PCDHA5: variants seen among roughly 807,000 people sequenced by gnomAD.
PCDHA5 encodes the protein protocadherin alpha-5.
Under a neutral mutation model 61.6 loss-of-function variants are expected in PCDHA5, and 43 were observed. That is an observed-to-expected ratio of 0.70 (90% CI 0.55 to 0.90). PCDHA5 has a LOEUF of 0.90. Among genes scored for constraint, PCDHA5 ranks in the 40% least tolerant of loss-of-function variants. PCDHA5 has a pLI of 0.00. For synonymous variants in PCDHA5, 627 were observed against 543.9 expected, an observed-to-expected ratio of 1.15 and a Z score of -2.13; for missense variants, 1,298 against 1,222.7, an observed-to-expected ratio of 1.06 and a Z score of -0.92.
chr5:140,850,555 C>T (rs1562471328), intron 1 of PCDHA5: 2 of 1,598,250 alleles, frequency 1.3e-6, no homozygotes, highest in South Asian at 1.1e-5. Context: ...GTGGGTGCCA[C>T]GGGCCCCGAG....
intron 1 of PCDHA5, among the ~76,000 whole-genome samples, chr5:140,938,718 G>A (rs1186763511): frequency 5.3e-5 from 8 of 151,986 alleles, no homozygotes; most frequent in Non-Finnish European, 1.0e-4. Flanking sequence ...ATAGAAACGC[G>A]TTTCTACAGA....
chr5:140,883,451 T>A (rs2153394032), intron 1 of PCDHA5: 1 of 1,614,144 alleles, frequency 6.2e-7, no homozygotes, highest in Non-Finnish European at 8.5e-7. Context: ...GCATGTCCCC[T>A]TCAAGCTGGT....
intron 1 of PCDHA5, chr5:140,848,959 A>C (rs1554142632): frequency 1.9e-6 from 3 of 1,606,524 alleles, no homozygotes; most frequent in Admixed American, 3.4e-5. Context: ...TTTCCACTAG[A>C]GGGCGCGTCC....
chr5:140,850,112 C>G, intron 1 of PCDHA5: 1 of 1,596,024 alleles, frequency 6.3e-7, no homozygotes, highest in Non-Finnish European at 8.6e-7. Context: ...GCGCGCGCGA[C>G]GCGGGCGTGC....
At position 140,856,500 on chromosome 5, in the gene PCDHA5, T is replaced by G. The variant is rs371158035; in HGVS notation, c.2352+32373T>G. 1.4e-5 allele frequency: 22 copies of G among 1,598,280 alleles called. 1 individual carries two copies. The African/African-American group carries it at 3.0e-4, about 22-fold the overall frequency. ...GAATCCAGACTGCTTGACTCTCGAT[T>G]TCCACTAGAAGGCGCATCTGATGCG... On this transcript the variant is annotated intron_variant, in intron 1 of 3. Transcript: ENST00000529859.
At chr5:141,002,491 A>G (rs1244268735) in intron 3 of PCDHA5, among the ~76,000 whole-genome samples, 1 of 152,214 alleles carries the variant, frequency 6.6e-6, no homozygotes, top group Non-Finnish European at 1.5e-5. Flanking sequence ...TGACCTTGTT[A>G]TACAGCTCAG....
intron 3 of PCDHA5, among the ~76,000 whole-genome samples, chr5:140,996,316 A>C (rs2153939037): frequency 6.6e-6 from 1 of 152,250 alleles, no homozygotes; most frequent in African/African-American, 2.4e-5. Context: ...GTAAGGGGGG[A>C]GGGTAGAGAA....
At chr5:140,829,749 T>C in intron 1 of PCDHA5, 1 of 1,613,676 alleles carries the variant, frequency 6.2e-7, no homozygotes, top group Non-Finnish European at 8.5e-7. Context: ...ACGCTGCAGG[T>C]GTTCGTGCTG....
chr5:140,838,830 G>T lies in PCDHA5; in HGVS notation c.2352+14703G>T, dbSNP rs2150292809. 1.2e-3 allele frequency among the ~76,000 whole-genome samples: 185 copies of T among 152,000 alleles called. 4 individuals carry two copies. Among genetic ancestry groups the T allele is most frequent in the African/African-American group, 4.4e-3 (182 of 41,426 alleles). ...TCAGCTACTCAAGAAACTGAGGTGG[G>T]AGGATCACTTAAGCCAGGGAGGTCC... On this transcript the variant is annotated intron_variant, in intron 1 of 3. Transcript: ENST00000529859.
At position 140,836,088 on chromosome 5, in the gene PCDHA5, C is replaced by T. The variant is rs2150252378; in HGVS notation, c.2352+11961C>T. On this transcript the variant is annotated intron_variant, in intron 1 of 3. Transcript: ENST00000529859. ...CAACGCGCCGGCACTGCTGGCGCCT[C>T]GGGTGGGTGGCACTGGTGGCGCAGT... is the stretch of plus-strand genomic sequence containing the variant. 2.5e-6 allele frequency: 4 copies of T among 1,613,654 alleles called. No individual in the cohort carries two copies. The South Asian group carries it at 3.3e-5, about 13-fold the overall frequency.
At position 140,856,042 on chromosome 5, in the gene PCDHA5, G is replaced by A. The variant is rs149114226; in HGVS notation, c.2352+31915G>A. On this transcript the variant is annotated intron_variant, in intron 1 of 3. Transcript: ENST00000529859. ...TTCGTCGATTTGTAAAACAAGAGAA[G>A]GATAAGATGGTTTCCAGATGTAGCT... 68 of 1,579,466 alleles carry A rather than the reference G, an allele frequency of 4.3e-5. 8 individuals carry two copies. The Admixed American group carries it at 1.1e-3, about 26-fold the overall frequency.
chr5:140,989,889 C>T (rs1220430844), intron 3 of PCDHA5, among the ~76,000 whole-genome samples: 3 of 151,522 alleles, frequency 2.0e-5, no homozygotes, highest in Admixed American at 6.6e-5. Flanking sequence ...TTGGAGTCTC[C>T]GTTATTCACA....
At chr5:140,855,966 TAAGAA>T in intron 1 of PCDHA5, 1 of 1,422,780 alleles carries the variant, frequency 7.0e-7, no homozygotes, top group Non-Finnish European at 9.5e-7. Context: ...AAAATAGATA[TAAGAA>T]ATAGGACAGA....
At chr5:140,825,623 T>C (rs2150140441) in intron 1 of PCDHA5, 11 of 151,926 alleles carry the variant, frequency 7.2e-5, no homozygotes, top group African/African-American at 1.7e-4. Context: ...GGTTTCACCA[T>C]GTTGGTCATG....
chr5:140,823,943 CG>C lies in PCDHA5; in HGVS notation c.2170del (p.Ala724ArgfsTer75). ...TLLLYTALRCSAQPTEAVCTR... is the reference protein window; with the variant it reads ...TLLLYTALRCXAQPTEAVCTR... ...CTGCTGTACACCGCGCTGCGGTGCT[CG>C]GCGCAGCCCACCGAGGCCGTGTGCA... is the stretch of plus-strand genomic sequence containing the variant. On this transcript the variant is annotated frameshift_variant, in exon 1 of 4. Transcript: ENST00000529859. LOFTEE classifies it high-confidence loss of function. 3 of 1,613,918 alleles carry C rather than the reference CG, an allele frequency of 1.9e-6. No individual in the cohort carries two copies. The highest frequency in any genetic ancestry group is 2.5e-6 in the Non-Finnish European group (3 of 1,179,956).
chr5:140,864,460 T>C (rs2048484111), intron 1 of PCDHA5: 1 of 152,246 alleles, frequency 6.6e-6, no homozygotes, highest in African/African-American at 2.4e-5. Flanking sequence ...AATATCCATC[T>C]TTTTTGAGAT....
chr5:140,825,535 C>T (rs1439548778), intron 1 of PCDHA5: 1 of 151,464 alleles, frequency 6.6e-6, no homozygotes, highest in Non-Finnish European at 1.5e-5. Flanking sequence ...AGCGATTCTC[C>T]TGCCTTATCT....
At chr5:140,959,611 C>T (rs2095501064) in intron 1 of PCDHA5, among the ~76,000 whole-genome samples, 1 of 151,848 alleles carries the variant, frequency 6.6e-6, no homozygotes, top group Non-Finnish European at 1.5e-5. Context: ...GCTTTTCTTG[C>T]TTGTGATAGA....
chr5:140,927,564 G>A (rs868927450), intron 1 of PCDHA5: 1 of 1,614,150 alleles, frequency 6.2e-7, no homozygotes, highest in South Asian at 1.1e-5. Context: ...TCATTGTGGT[G>A]GACACAAATG....
Sources: gnomAD v4.1 joint callset for allele counts (sites outside exome capture counted in the v4.1 genomes callset) on GRCh38, gnomAD v4.1.1 for gene constraint, MANE v1.5 for transcripts, NCBI Gene and HGNC (gene_info 2026-07-23, HGNC 2026-07-21) for gene names.